Variants in KCNQ1 observed in about 807,000 individuals in gnomAD.
KCNQ1 encodes the protein potassium voltage-gated channel subfamily Q member 1.
In KCNQ1, 49 loss-of-function variants were observed where a neutral mutation model predicts 72.4. The ratio of observed to expected loss-of-function variants is 0.68; its 90% confidence interval spans 0.54 to 0.86. The LOEUF is 0.86. Among genes scored for constraint, KCNQ1 ranks in the 40% least tolerant of loss-of-function variants. The pLI, the probability that KCNQ1 is intolerant of heterozygous loss-of-function variation, is 0.00. For missense variants in KCNQ1, 790 were observed against 945.1 expected (o/e 0.84, Z 2.15); for synonymous variants, 450 against 412.6 (o/e 1.09, Z -1.10).
Position 2,627,707 on chromosome 11 carries a change from T to G in KCNQ1, c.1394-34254T>G, listed in dbSNP as rs551640349. ...GTGTGTGTCTGTATGTATATGTATG[T>G]GATGTGTTTATTTGGGAATTTGGTG... On this transcript the variant is annotated intron_variant, in intron 10 of 15. Coordinates refer to ENST00000155840, the MANE Select transcript of KCNQ1 (RefSeq NM_000218.3). This position sits in a 1 kb window ranked among gnomAD's most constrained non-coding sequence, Gnocchi z 4.9. 13 of 398,520 alleles carry G rather than the reference T, an allele frequency of 3.3e-5. No homozygotes were observed. The South Asian group carries it at 1.1e-3, about 35-fold the overall frequency. The allele number at this position is 398,520 out of a possible 1,614,324, so 24.7% of individuals were successfully genotyped here. A position where few individuals can be genotyped will look rare whatever the true frequency, so the allele number is the denominator to read the frequency against.
In KCNQ1 at chr11:2,828,925, A is replaced by G. The variant is rs564627761; in HGVS notation, c.1795-18842A>G. ...GAATAGAAAATCAAAACGGTATCCA[A>G]TTTCTTAACAGCAATTCAGAAAGCT... On this transcript the variant is annotated intron_variant, in intron 15 of 15. Transcript: ENST00000155840. The surrounding 1 kb of genome is among the most constrained non-coding windows in gnomAD (Gnocchi z 5.3). Among the ~76,000 whole-genome samples, 1 of 152,352 alleles carries G rather than the reference A, an allele frequency of 6.6e-6. No homozygotes were observed. Among genetic ancestry groups the G allele is most frequent in the East Asian group, 1.9e-4 (1 of 5,188 alleles).
chr11:2,616,365 CTG>C (rs1849064166), intron 10 of KCNQ1: 1 of 397,682 alleles, frequency 2.5e-6, no homozygotes, highest in Non-Finnish European at 4.4e-6. Flanking sequence ...TAAATTATCT[CTG>C]TTGTTTATTT....
chr11:2,812,033 G>A (rs1310495416), intron 15 of KCNQ1, among the ~76,000 whole-genome samples: 2 of 151,932 alleles, frequency 1.3e-5, no homozygotes, highest in Admixed American at 1.3e-4. Context: ...TGGCACCGCC[G>A]GCCACCCCTC....
intron 2 of KCNQ1, among the ~76,000 whole-genome samples, chr11:2,528,565 C>T (rs1430056142): frequency 3.9e-5 from 6 of 152,160 alleles, no homozygotes; most frequent in African/African-American, 7.2e-5. Flanking sequence ...TTGATCTGGC[C>T]GTGAGGCTGC....
intron 15 of KCNQ1, among the ~76,000 whole-genome samples, chr11:2,790,374 C>T (rs558693924): frequency 2.0e-4 from 31 of 152,304 alleles, no homozygotes; most frequent in Admixed American, 8.5e-4. Flanking sequence ...CGGGCCAAGC[C>T]CCATCCTGCA....
chr11:2,722,202 C>T (rs945562854), intron 11 of KCNQ1, among the ~76,000 whole-genome samples: 1 of 152,132 alleles, frequency 6.6e-6, no homozygotes, highest in African/African-American at 2.4e-5. Context: ...CCAGCATGCT[C>T]CTGCCTTTTG....
In KCNQ1 at chr11:2,767,168, A is replaced by ATGTGTG. The variant is rs149262552; in HGVS notation, c.1515-1664_1515-1659dup. 6.7e-6 allele frequency among the ~76,000 whole-genome samples: 1 copy of ATGTGTG among 150,184 alleles called. No individual in the cohort carries two copies. The highest frequency in any genetic ancestry group is 2.5e-5 in the African/African-American group (1 of 40,810). ...GGCAATAGAGCGAGACTCCATCTAT[A>ATGTGTG]TGTGTGTGTGTGTGTGTATTTTTTT... On this transcript the variant is annotated intron_variant, in intron 11 of 15. Coordinates refer to ENST00000155840, the MANE Select transcript of KCNQ1 (RefSeq NM_000218.3). The surrounding 1 kb of genome is among the most constrained non-coding windows in gnomAD (Gnocchi z 4.6).
intron 11 of KCNQ1, chr11:2,672,139 T>C: frequency 2.5e-6 from 1 of 398,748 alleles, no homozygotes. Context: ...CCTCCCTCTT[T>C]GGGCCTTTCA....
Position 2,562,753 on chromosome 11 carries a change from G to C in KCNQ1, c.478-7875G>C, listed in dbSNP as rs1848192672. Among the ~76,000 whole-genome samples the C allele has an allele frequency of 6.6e-6, 1 of 152,184 alleles. No individual in the cohort carries two copies. The highest frequency in any genetic ancestry group is 2.4e-5 in the African/African-American group (1 of 41,458). On this transcript the variant is annotated intron_variant, in intron 2 of 15. Transcript: ENST00000155840. The surrounding 1 kb of genome is among the most constrained non-coding windows in gnomAD (Gnocchi z 7.5). ...TCCTGGCTCCAGTGGAAGGTCCCCA[G>C]GCCTAAGTCTATGGGGGCGCCAGGG...
chr11:2,455,614 A>G (rs751328028), intron 1 of KCNQ1, among the ~76,000 whole-genome samples: 1 of 152,258 alleles, frequency 6.6e-6, no homozygotes, highest in Non-Finnish European at 1.5e-5. Flanking sequence ...GGAAGAATCA[A>G]TATTGTTAAA....
intron 10 of KCNQ1, among the ~76,000 whole-genome samples, chr11:2,589,347 G>A (rs999023506): frequency 1.3e-5 from 2 of 152,216 alleles, no homozygotes. Context: ...CCCCGAGTCT[G>A]TGCGTGATGG....
intron 10 of KCNQ1, among the ~76,000 whole-genome samples, chr11:2,591,431 T>C (rs1848668855): frequency 6.6e-6 from 1 of 152,246 alleles, no homozygotes; most frequent in Non-Finnish European, 1.5e-5. Flanking sequence ...TGCTCCCGCC[T>C]GCCCGCTGGA....
intron 1 of KCNQ1, among the ~76,000 whole-genome samples, chr11:2,512,761 G>C (rs1447851095): frequency 6.6e-6 from 1 of 152,162 alleles, no homozygotes; most frequent in African/African-American, 2.4e-5. Context: ...TGGAGGCTGG[G>C]GGCGCCTGCC....
In KCNQ1 at chr11:2,813,273, A is replaced by C. The variant is rs1301156320; in HGVS notation, c.1795-34494A>C. Among the ~76,000 whole-genome samples the C allele has an allele frequency of 2.0e-5, 3 of 152,192 alleles. No homozygotes were observed. Reference sequence around the variant, plus strand: ...GCTTATGGAGGTCACTGATGGCCTCAGGATGCCAGCAGGCCCTCTGATGCC... The same window carrying C: ...GCTTATGGAGGTCACTGATGGCCTCCGGATGCCAGCAGGCCCTCTGATGCC... On this transcript the variant is annotated intron_variant, in intron 15 of 15. Transcript: ENST00000155840. This position sits in a 1 kb window ranked among gnomAD's most constrained non-coding sequence, Gnocchi z 4.4.
chr11:2,708,897 C>G (rs1317507226), intron 11 of KCNQ1, among the ~76,000 whole-genome samples: 1 of 152,104 alleles, frequency 6.6e-6, no homozygotes, highest in Non-Finnish European at 1.5e-5. Flanking sequence ...CGGCAAAGCA[C>G]CCGGTCACCT....
At chr11:2,467,074 A>G (rs1254065002) in intron 1 of KCNQ1, among the ~76,000 whole-genome samples, 1 of 152,068 alleles carries the variant, frequency 6.6e-6, no homozygotes, top group African/African-American at 2.4e-5. Context: ...AGGCAGGGGC[A>G]GGAGGTGACC....
rs926729973 is a variant in KCNQ1, at chr11:2,471,683, T to C, written c.386+26199T>C. On this transcript the variant is annotated intron_variant, in intron 1 of 15. Coordinates refer to ENST00000155840, the MANE Select transcript of KCNQ1 (RefSeq NM_000218.3). The surrounding 1 kb of genome is among the most constrained non-coding windows in gnomAD (Gnocchi z 4.8). ...GTGTGTGCATGGGTGTGCACATGTG[T>C]ATGGGTGTGCATGTGTGTATAGGTG... Among the ~76,000 whole-genome samples the C allele has an allele frequency of 6.6e-6, 1 of 151,802 alleles. No homozygotes were observed. Among genetic ancestry groups the C allele is most frequent in the Non-Finnish European group, 1.5e-5 (1 of 67,914 alleles).
chr11:2,728,440 G>A (rs1040294441), intron 11 of KCNQ1, among the ~76,000 whole-genome samples: 1 of 152,226 alleles, frequency 6.6e-6, no homozygotes. Context: ...CTCTAGAACC[G>A]GGGGTTGGTG....
chr11:2,812,176 C>T (rs903906008), intron 15 of KCNQ1, among the ~76,000 whole-genome samples: 3 of 152,340 alleles, frequency 2.0e-5, no homozygotes, highest in Non-Finnish European at 2.9e-5. Flanking sequence ...CACAAACTTT[C>T]TGTTTCAAGG....
Sources: allele counts gnomAD v4.1 joint callset (sites outside exome capture counted in the v4.1 genomes callset), GRCh38; gene constraint gnomAD v4.1.1; non-coding constraint Gnocchi (gnomAD v3.1); transcripts MANE v1.5; gene names NCBI Gene and HGNC (gene_info 2026-07-23, HGNC 2026-07-21).